Variants in DNM3 observed in about 807,000 individuals in gnomAD.
DNM3 encodes dynamin 3.
In DNM3, 47 loss-of-function variants were observed where a neutral mutation model predicts 101.6. The observed-to-expected ratio is 0.46, with a 90% CI of 0.37 to 0.59. The LOEUF (loss-of-function observed/expected upper bound fraction) is 0.59. Ranked by LOEUF, DNM3 falls within the 20% of genes least tolerant of loss-of-function variation. The pLI, the probability that DNM3 is intolerant of heterozygous loss-of-function variation, is 0.00. For synonymous variants in DNM3, 385 were observed against 387.9 expected (o/e 0.99, Z 0.09); for missense variants, 849 against 1,085.7 (o/e 0.78, Z 3.06).
chr1:172,416,416 C>T (rs576306153), downstream of DNM3, among the ~76,000 whole-genome samples: 55 of 152,202 alleles, frequency 3.6e-4, 1 homozygote, highest in South Asian at 0.011. Flanking sequence ...GCTTTTTCAG[C>T]AATGACAGGA....
At chr1:172,022,492 C>T (rs1165500185) in intron 4 of DNM3, among the ~76,000 whole-genome samples, 1 of 152,046 alleles carries the variant, frequency 6.6e-6, no homozygotes, top group Non-Finnish European at 1.5e-5. Context: ...ATAGATCTAG[C>T]TTCCTTTTCA....
At chr1:172,081,453 C>T (rs2053141910) in intron 11 of DNM3, among the ~76,000 whole-genome samples, 1 of 152,290 alleles carries the variant, frequency 6.6e-6, no homozygotes, top group Admixed American at 6.5e-5. Flanking sequence ...GAACAGTAAG[C>T]TCAGCGCAAC....
At chr1:172,414,902 TAAAAAA>T (rs138381362), downstream of DNM3, among the ~76,000 whole-genome samples, 6 of 119,266 alleles carry the variant, frequency 5.0e-5, no homozygotes, top group Non-Finnish European at 7.0e-5. Context: ...ACCTCATCTC[TAAAAAA>T]AAAAAAAAAA....
intron 2 of DNM3, among the ~76,000 whole-genome samples, chr1:171,972,314 T>G (rs1394611797): frequency 6.6e-6 from 1 of 152,216 alleles, no homozygotes; most frequent in Non-Finnish European, 1.5e-5. Context: ...CTGGCTTTGG[T>G]AGAAAATCTT....
At chr1:172,152,414 G>T (rs1377715823) in intron 14 of DNM3, among the ~76,000 whole-genome samples, 1 of 151,900 alleles carries the variant, frequency 6.6e-6, no homozygotes, top group Non-Finnish European at 1.5e-5. Context: ...AGTAAATTTT[G>T]CCCTATGTAC....
intron 1 of DNM3, among the ~76,000 whole-genome samples, chr1:171,870,848 G>C (rs1173564821): frequency 2.6e-5 from 4 of 152,164 alleles, no homozygotes; most frequent in East Asian, 1.9e-4. Context: ...TAGTACCCAG[G>C]AAGAGTTTAT....
intron 1 of DNM3, among the ~76,000 whole-genome samples, chr1:171,850,442 C>G (rs940097232): frequency 1.3e-5 from 2 of 152,062 alleles, no homozygotes; most frequent in Non-Finnish European, 2.9e-5. Context: ...ATATGTGTGT[C>G]TGTTTATGTT....
intron 4 of DNM3, 149 bp from the exon 5 acceptor site, chr1:172,032,253 C>A: frequency 1.6e-6 from 1 of 627,406 alleles, no homozygotes; most frequent in Admixed American, 2.8e-5. Context: ...AATCACCAAA[C>A]TCAAGTAGCA....
At chr1:172,069,869 G>C (rs569019036) in intron 11 of DNM3, among the ~76,000 whole-genome samples, 1 of 152,330 alleles carries the variant, frequency 6.6e-6, no homozygotes, top group South Asian at 2.1e-4. Flanking sequence ...AGATGAGTGG[G>C]AAGGAGGTGA....
In DNM3 at chr1:172,387,359, G is replaced by A. The variant is rs1010003536; in HGVS notation, c.2285G>A (p.Arg762Lys). The A allele has an allele frequency of 3.7e-6, 6 of 1,612,128 alleles. No individual in the cohort carries two copies. Among genetic ancestry groups the A allele is most frequent in the East Asian group, 4.5e-5 (2 of 44,812 alleles). ...GACTCCTGGATACAGCACTCTCGCA[G>A]GTAAGAAGATGGCCCCGGCCGGGTG... ...VDDSWIQHSR[R>K]SPPPSPTTQR... The change falls in exon 19 of 21, where the codon AGG becomes AAG. Residue 762 changes from arginine (R) to lysine (K), a missense_variant and splice_region_variant. Arg to Lys is a conservative substitution (Grantham distance 26, BLOSUM62 2). Transcript: ENST00000627582.
chr1:172,210,314 C>CTT lies in DNM3; in HGVS notation c.1660-43236_1660-43235dup, dbSNP rs11330467. Among the ~76,000 whole-genome samples the CTT allele has an allele frequency of 7.2e-3, 611 of 84,850 alleles. 16 individuals carry two copies. The highest frequency in any genetic ancestry group is 0.022 in the African/African-American group (573 of 26,022). The allele number at this position is 84,850 out of a possible 152,430, so 55.7% of individuals were successfully genotyped here. A position where few individuals can be genotyped will look rare whatever the true frequency, so the allele number is the denominator to read the frequency against. ...AGGTAATTAAGAGTAAGAGAGCGTG[C>CTT]TTTTTTTTTTTTTTTTTTTTTTTTG... On this transcript the variant is annotated intron_variant, in intron 14 of 20. Coordinates refer to ENST00000627582, the MANE Select transcript of DNM3 (RefSeq NM_015569.5).
At chr1:172,152,870 A>G (rs2058191335) in intron 14 of DNM3, among the ~76,000 whole-genome samples, 1 of 152,186 alleles carries the variant, frequency 6.6e-6, no homozygotes, top group African/African-American at 2.4e-5. Flanking sequence ...TAACTGTGTA[A>G]GATAACTTGC....
intron 4 of DNM3, among the ~76,000 whole-genome samples, chr1:172,001,151 C>T (rs2046335033): frequency 6.6e-6 from 1 of 152,104 alleles, no homozygotes; most frequent in Admixed American, 6.6e-5. Context: ...AGGAAGAGGA[C>T]ATGGAGACAG....
At chr1:172,083,306 CT>C (rs1359102561) in intron 12 of DNM3, among the ~76,000 whole-genome samples, 6 of 152,206 alleles carry the variant, frequency 3.9e-5, no homozygotes, top group Non-Finnish European at 8.8e-5. Flanking sequence ...AAGAAAAAAA[CT>C]TTTTGCCTTT....
chr1:172,128,599 G>A (rs377670682), intron 13 of DNM3, among the ~76,000 whole-genome samples: 1 of 152,180 alleles, frequency 6.6e-6, no homozygotes, highest in East Asian at 1.9e-4. Context: ...TGCAATAATT[G>A]TTTTAAATTA....
chr1:172,344,169 T>G (rs938725171), intron 17 of DNM3, among the ~76,000 whole-genome samples: 6 of 152,200 alleles, frequency 3.9e-5, no homozygotes, highest in African/African-American at 1.4e-4. Context: ...GACTTCATCC[T>G]CTGAAAGTGA....
At chr1:172,085,557 G>A (rs75337146) in intron 12 of DNM3, among the ~76,000 whole-genome samples, 95 of 152,220 alleles carry the variant, frequency 6.2e-4, no homozygotes, top group African/African-American at 2.2e-3. Context: ...TCTATACACC[G>A]CAAGCAGCAG....
At chr1:172,197,260 G>C (rs1004279735) in intron 14 of DNM3, among the ~76,000 whole-genome samples, 2 of 151,880 alleles carry the variant, frequency 1.3e-5, no homozygotes, top group African/African-American at 4.8e-5. Context: ...CTGTTCCATT[G>C]GTCTATGTGC....
chr1:172,224,219 A>T (rs2061018816), intron 14 of DNM3, among the ~76,000 whole-genome samples: 1 of 152,212 alleles, frequency 6.6e-6, no homozygotes, highest in African/African-American at 2.4e-5. Flanking sequence ...TATCACATTT[A>T]TATCAGCAGA....
Sources: allele counts gnomAD v4.1 joint callset (sites outside exome capture counted in the v4.1 genomes callset), GRCh38; gene constraint gnomAD v4.1.1; transcripts MANE v1.5; gene names NCBI Gene and HGNC (gene_info 2026-07-23, HGNC 2026-07-21).